The following KAZN variants were observed in gnomAD, a reference collection of about 807,000 sequenced individuals.
KAZN encodes the protein kazrin, periplakin interacting protein.
KAZN carries 40 observed loss-of-function variants against 87.4 expected under a neutral mutation model. The observed-to-expected ratio is 0.46, with a 90% confidence interval of 0.36 to 0.60. KAZN has a LOEUF of 0.60. Ranked by LOEUF, KAZN falls within the 20% of genes least tolerant of loss-of-function variation. The pLI is 0.00. For synonymous variants in KAZN, 466 were observed against 458.3 expected (o/e 1.02, Z -0.22); for missense variants, 898 against 1,073.9 (o/e 0.84, Z 2.29).
intron 8 of KAZN, among the ~76,000 whole-genome samples, chr1:15,089,732 C>CAAAAAAAAAA (rs56260619): frequency 5.8e-5 from 4 of 68,914 alleles, no homozygotes; most frequent in South Asian, 4.6e-4. Flanking sequence ...CTTTTATTGG[C>CAAAAAAAAAA]AAAAAAAAAA....
chr1:13,976,146 A>C (rs1264172761), intron 1 of KAZN, among the ~76,000 whole-genome samples: 1 of 152,152 alleles, frequency 6.6e-6, no homozygotes, highest in Non-Finnish European at 1.5e-5. Context: ...GGCCTCTAGA[A>C]TCCTTAGTTT....
At chr1:15,052,014 C>T (rs1004715376) in intron 4 of KAZN, among the ~76,000 whole-genome samples, 2 of 152,120 alleles carry the variant, frequency 1.3e-5, no homozygotes, top group African/African-American at 4.8e-5. Context: ...GCTGGAGGCT[C>T]AGAGAGGAGA....
At chr1:14,198,699 T>A (rs957267102) in intron 2 of KAZN, among the ~76,000 whole-genome samples, 5 of 152,166 alleles carry the variant, frequency 3.3e-5, no homozygotes, top group Admixed American at 2.0e-4. Context: ...GAGGTGAATG[T>A]TTATAACTAT....
intron 2 of KAZN, among the ~76,000 whole-genome samples, chr1:14,295,598 T>C (rs1025323745): frequency 1.3e-5 from 2 of 151,846 alleles, no homozygotes; most frequent in Non-Finnish European, 2.9e-5. Flanking sequence ...CACAAACCCA[T>C]GTGCACCAAA....
chr1:14,043,065 A>G (rs1317622376), intron 1 of KAZN, among the ~76,000 whole-genome samples: 2 of 152,182 alleles, frequency 1.3e-5, no homozygotes, highest in Non-Finnish European at 2.9e-5. Flanking sequence ...GGTACCAACT[A>G]AACTCCTTCA....
intron 1 of KAZN, among the ~76,000 whole-genome samples, chr1:14,625,309 A>G (rs1388426616): frequency 1.3e-5 from 2 of 152,196 alleles, no homozygotes; most frequent in African/African-American, 2.4e-5. Context: ...CCTCCACAGT[A>G]TACTAGATTT....
At chr1:15,112,688 G>A (rs1055342374) in intron 14 of KAZN, 147 bp downstream of exon 14, 1 of 587,604 alleles carries the variant, frequency 1.7e-6, no homozygotes, top group Non-Finnish European at 3.1e-6. Context: ...CAGATGCCCT[G>A]GATGTACCTT....
chr1:14,884,922 G>T lies in KAZN; in HGVS notation c.227-75762G>T, dbSNP rs145006255. ...CGGAGGAAGAGGCCTGCCAACAGGC[G>T]GGGAGCAGAGGGGACCTTAGACCCT... On this transcript the variant is annotated intron_variant, in intron 1 of 14. Coordinates refer to ENST00000376030, the MANE Select transcript of KAZN (RefSeq NM_201628.3). Among the ~76,000 whole-genome samples the T allele has an allele frequency of 9.4e-3, 1,429 of 152,324 alleles. 14 individuals are homozygous for T. The highest frequency in any genetic ancestry group is 0.016 in the Non-Finnish European group (1,071 of 68,016).
At chr1:14,254,258 T>C (rs1650302483) in intron 2 of KAZN, among the ~76,000 whole-genome samples, 1 of 152,246 alleles carries the variant, frequency 6.6e-6, no homozygotes, top group African/African-American at 2.4e-5. Context: ...GACATTGTTA[T>C]ATCCAGCAAC....
intron 1 of KAZN, among the ~76,000 whole-genome samples, chr1:14,159,542 G>A (rs1303294201): frequency 2.0e-5 from 3 of 152,290 alleles, no homozygotes; most frequent in South Asian, 4.1e-4. Flanking sequence ...CCAGAAATGC[G>A]GTCCAAAAGC....
chr1:14,203,989 G>A (rs1646690768), intron 2 of KAZN, among the ~76,000 whole-genome samples: 1 of 152,152 alleles, frequency 6.6e-6, no homozygotes, highest in Non-Finnish European at 1.5e-5. Context: ...TCCAGAGAGT[G>A]GAATAGAAAT....
chr1:14,864,866 A>C (rs1286296672), intron 1 of KAZN, among the ~76,000 whole-genome samples: 2 of 151,940 alleles, frequency 1.3e-5, no homozygotes, highest in Admixed American at 1.3e-4. Context: ...TAATAACAAC[A>C]CCCAGCCCAC....
intron 1 of KAZN, among the ~76,000 whole-genome samples, chr1:14,683,151 T>C (rs754247622): frequency 2.0e-5 from 3 of 152,220 alleles, no homozygotes; most frequent in Non-Finnish European, 1.5e-5. Flanking sequence ...CCTCAGTGCC[T>C]TCCCAGGAAC....
chr1:14,221,266 T>A (rs1647091116), intron 2 of KAZN, among the ~76,000 whole-genome samples: 1 of 152,162 alleles, frequency 6.6e-6, no homozygotes, highest in African/African-American at 2.4e-5. Context: ...GAAAGGTAAG[T>A]ATTGAATTCT....
chr1:15,067,355 T>A (rs1639289417), intron 8 of KAZN: 1 of 985,496 alleles, frequency 1.0e-6, no homozygotes, highest in Non-Finnish European at 1.2e-6. Flanking sequence ...GGCAGGAACA[T>A]CTGCCTATAT....
chr1:14,843,281 G>A (rs887361126), intron 1 of KAZN, among the ~76,000 whole-genome samples: 3 of 152,178 alleles, frequency 2.0e-5, no homozygotes, highest in Non-Finnish European at 4.4e-5. Flanking sequence ...ACAAATAAAG[G>A]TTTGAGAAAA....
chr1:14,423,495 C>A (rs1212337788), intron 2 of KAZN, among the ~76,000 whole-genome samples: 2 of 152,082 alleles, frequency 1.3e-5, no homozygotes, highest in Non-Finnish European at 2.9e-5. Flanking sequence ...GAGAAGATTC[C>A]AATGCTATCC....
chr1:14,429,752 CCGT>C (rs1033325672), intron 2 of KAZN, among the ~76,000 whole-genome samples: 1 of 152,126 alleles, frequency 6.6e-6, no homozygotes, highest in Non-Finnish European at 1.5e-5. Context: ...GGAGATGTCA[CCGT>C]CGTCGTCGTC....
At chr1:14,257,115 A>G (rs1571158097) in intron 2 of KAZN, among the ~76,000 whole-genome samples, 1 of 152,172 alleles carries the variant, frequency 6.6e-6, no homozygotes, top group Non-Finnish European at 1.5e-5. Context: ...TTGCCTGTTC[A>G]GCCCTGGATG....
Sources: gnomAD v4.1 joint callset for allele counts (sites outside exome capture counted in the v4.1 genomes callset) on GRCh38, gnomAD v4.1.1 for gene constraint, MANE v1.5 for transcripts, NCBI Gene and HGNC (gene_info 2026-07-23, HGNC 2026-07-21) for gene names.